The following BCL3 variants were observed in gnomAD, a reference collection of about 807,000 sequenced individuals.
BCL3 encodes the protein BCL3 transcription coactivator.
Under a neutral mutation model 35.7 loss-of-function variants are expected in BCL3, and 15 were observed. The ratio of observed to expected loss-of-function variants is 0.42; its 90% CI spans 0.28 to 0.65. The LOEUF is 0.65. Ranked by LOEUF, BCL3 falls within the 30% of genes least tolerant of loss-of-function variation. BCL3 has a pLI of 0.22. For missense variants in BCL3, 565 were observed against 641.7 expected (o/e 0.88, Z 1.29); for synonymous variants, 311 against 284.3 (o/e 1.09, Z -0.95).
rs779203246 is a variant in BCL3, at chr19:44,749,026, C to T, written c.236C>T (p.Pro79Leu). 6 of 1,361,972 alleles carry T rather than the reference C, an allele frequency of 4.4e-6. No individual in the cohort carries two copies. Among genetic ancestry groups the T allele is most frequent in the Admixed American group, 7.0e-5 (2 of 28,554 alleles). The allele number at this position is 1,361,972 out of a possible 1,614,324, so 84.4% of individuals were successfully genotyped here. Reference sequence around the variant, plus strand: ...GGGCCCCCCCACGGCCTGGCCCGGCCGGAGGCGCTTTACTACCCCGGTGAG... The same window carrying T: ...GGGCCCCCCCACGGCCTGGCCCGGCTGGAGGCGCTTTACTACCCCGGTGAG... ...VPGPPHGLAR[P>L]EALYYPGALL... Residue 79 changes from proline (P) to leucine (L), a missense_variant, in exon 1 of 9, where the codon CCG becomes CTG. By Grantham distance (98) the Pro-to-Leu change is moderately conservative. Around this residue, in one of 5 missense-constraint regions of BCL3, gnomAD observed 267 missense variants for 281.5 expected, o/e 0.95. Coordinates refer to ENST00000164227, the MANE Select transcript of BCL3 (RefSeq NM_005178.5).
In BCL3 at chr19:44,749,004, C is replaced by A; in HGVS notation, c.214C>A (p.Pro72Thr). The change falls in exon 1 of 9, where the codon CCC (proline) becomes ACC (threonine). Residue 72 changes from proline to threonine, a missense_variant. Physicochemically the swap from Pro to Thr is conservative, Grantham distance 38. Transcript: ENST00000164227. ...CTGCGACCTGCCGGCGGTCCCCGGG[C>A]CCCCCCACGGCCTGGCCCGGCCGGA... Reference protein sequence around the residue: ...GGCDLPAVPGPPHGLARPEAL... With the variant: ...GGCDLPAVPGTPHGLARPEAL... 7.2e-7 allele frequency: 1 copy of A among 1,381,840 alleles called. No homozygotes were observed. The highest frequency in any genetic ancestry group is 9.4e-7 in the Non-Finnish European group (1 of 1,066,088). The allele number at this position is 1,381,840 out of a possible 1,614,324, so 85.6% of individuals were successfully genotyped here.
At chr19:44,749,081 T>C in intron 1 of BCL3, 35 bp downstream of exon 1, 1 of 1,192,256 alleles carries the variant, frequency 8.4e-7, no homozygotes, top group Non-Finnish European at 1.1e-6. Flanking sequence ...CCGGGTGGGA[T>C]CCACACAGAG....
chr19:44,751,971 C>A (rs1967188602), intron 2 of BCL3, among the ~76,000 whole-genome samples: 1 of 152,082 alleles, frequency 6.6e-6, no homozygotes, highest in African/African-American at 2.4e-5. Flanking sequence ...AAAGACAGTT[C>A]ATTGATTAAC....
chr19:44,748,760 C>G lies in BCL3; in HGVS notation c.-31C>G. 1.8e-6 allele frequency: 2 copies of G among 1,092,434 alleles called. No homozygotes were observed. The highest frequency in any genetic ancestry group is 2.2e-6 in the Non-Finnish European group (2 of 899,022). 67.7% of individuals were successfully genotyped at this position (1,092,434 alleles called of 1,614,324 possible). A position where few individuals can be genotyped will look rare whatever the true frequency, so the allele number is the denominator to read the frequency against. On this transcript the variant is annotated 5_prime_UTR_variant, in exon 1 of 9. Transcript: ENST00000164227. ...CACCCTCCCGTGCAGCCGAGCCCAG[C>G]CGCTCTCCGGCCGCCGTCCCCGGCG...
chr19:44,752,744 T>C (rs1460907647), intron 2 of BCL3, among the ~76,000 whole-genome samples: 3 of 152,220 alleles, frequency 2.0e-5, no homozygotes, highest in Admixed American at 2.0e-4. Flanking sequence ...ATTATTCTAT[T>C]GACCTGGGTT....
chr19:44,751,473 G>A, intron 2 of BCL3, 93 bp downstream of exon 2: 2 of 1,323,684 alleles, frequency 1.5e-6, no homozygotes, highest in Admixed American at 5.9e-5. Context: ...ACCTGAGTCA[G>A]AACTCGGTCT....
intron 1 of BCL3, 59 bp from the exon 2 acceptor site, chr19:44,751,168 G>A (rs1967171039): frequency 1.3e-6 from 2 of 1,555,372 alleles, no homozygotes; most frequent in South Asian, 2.4e-5. Flanking sequence ...GTGGGGGGCG[G>A]GTTGAGGGTC....
rs1967380435 is a variant in BCL3, at chr19:44,759,498, G to A, written c.1248G>A (p.Met416Ile). The stretch of plus-strand genomic sequence containing the variant: ...CCAGGGACCCCCCTGGATTCCCCAT[G>A]GCTCCTCCCAATTTCTTCCTTCCTT... ...SPPRDPPGFPMAPPNFFLPSP... is the reference protein window; with the variant it reads ...SPPRDPPGFPIAPPNFFLPSP... Residue 416 changes from methionine (M) to isoleucine (I), a missense_variant, in exon 9 of 9, where the codon ATG (methionine) becomes ATA (isoleucine). Transcript: ENST00000164227. 1 of 1,611,816 alleles carries A rather than the reference G, an allele frequency of 6.2e-7. No individual in the cohort carries two copies. The highest frequency in any genetic ancestry group is 8.5e-7 in the Non-Finnish European group (1 of 1,179,122).
At position 44,759,464 on chromosome 19, in the gene BCL3, A is replaced by T; in HGVS notation, c.1214A>T (p.Gln405Leu). 1 of 1,598,864 alleles carries T rather than the reference A, an allele frequency of 6.3e-7. No homozygotes were observed. The change falls in exon 9 of 9, where the codon CAG (glutamine) becomes CTG (leucine). Residue 405 changes from glutamine (Q) to leucine (L), a missense_variant. Around this residue, in one of 5 missense-constraint regions of BCL3, gnomAD observed 151 missense variants for 138.1 expected, o/e 1.09. Transcript: ENST00000164227. ...GCATCACCATCCTCCTCACCCTCCC[A>T]GTCTCCCCCCAGGGACCCCCCTGGA... The part of the protein sequence containing the change: ...LSASPSSSPS[Q>L]SPPRDPPGFP...
chr19:44,757,846 G>C lies in BCL3; in HGVS notation c.891+123G>C. 1 of 941,852 alleles carries C rather than the reference G, an allele frequency of 1.1e-6. No homozygotes were observed. The highest frequency in any genetic ancestry group is 1.6e-6 in the Non-Finnish European group (1 of 620,676). The allele number at this position is 941,852 out of a possible 1,614,324, so 58.3% of individuals were successfully genotyped here. On this transcript the variant is annotated intron_variant, in intron 6 of 8. Transcript: ENST00000164227. The surrounding 1 kb of genome is among the most constrained non-coding windows in gnomAD (Gnocchi z 8.4). ...GGCTCCGGCTCCTGCTCCGCGTCCA[G>C]CTCTGATCCTTTAAGGCCTAGTTTT... is the stretch of plus-strand genomic sequence containing the variant.
intron 2 of BCL3, among the ~76,000 whole-genome samples, chr19:44,752,335 G>A (rs552822785): frequency 6.7e-6 from 1 of 149,800 alleles, no homozygotes; most frequent in South Asian, 2.1e-4. Flanking sequence ...TGAGTAGCTG[G>A]GACCACAGAC....
chr19:44,747,776 A>C (rs1967092860), upstream of BCL3: 291 of 976,106 alleles, frequency 3.0e-4, no homozygotes, highest in Middle Eastern at 4.5e-4. Context: ...GTCTCTTGCT[A>C]TCTCTCTTTC....
At position 44,757,588 on chromosome 19, in the gene BCL3, G is replaced by A. The variant is rs1212972738; in HGVS notation, c.814-58G>A. ...GCGAATGGGATGTGGACGGGATGCG[G>A]GTCGCCGGCTGCTGGAGCAGAGCTT... is the stretch of plus-strand genomic sequence containing the variant. On this transcript the variant is annotated intron_variant, in intron 5 of 8. Transcript: ENST00000164227. The surrounding 1 kb of genome is among the most constrained non-coding windows in gnomAD (Gnocchi z 8.4). 12 of 1,592,978 alleles carry A rather than the reference G, an allele frequency of 7.5e-6. No homozygotes were observed. The highest frequency in any genetic ancestry group is 1.0e-5 in the Non-Finnish European group (12 of 1,162,714).
intron 1 of BCL3, 21 bp from the exon 2 acceptor site, chr19:44,751,204 CTT>C: frequency 6.3e-7 from 1 of 1,595,418 alleles, no homozygotes; most frequent in South Asian, 1.1e-5. Flanking sequence ...ACCCATGTCC[CTT>C]CTCTGTCCTC....
At chr19:44,755,804 G>A (rs1355175690) in intron 2 of BCL3, among the ~76,000 whole-genome samples, 1 of 152,160 alleles carries the variant, frequency 6.6e-6, no homozygotes, top group Non-Finnish European at 1.5e-5. Flanking sequence ...TGTAATCCCA[G>A]CTACTCAGGA....
At chr19:44,758,649 C>A in intron 7 of BCL3, 75 bp from the exon 8 acceptor site, 1 of 1,374,312 alleles carries the variant, frequency 7.3e-7, no homozygotes, top group Non-Finnish European at 1.0e-6. Context: ...CCACCTGGAT[C>A]CAGTGAGCTA....
chr19:44,748,508 A>C (rs1367141672), upstream of BCL3: 2 of 162,934 alleles, frequency 1.2e-5, no homozygotes, highest in Non-Finnish European at 2.4e-5. Context: ...TGGCTGCCCC[A>C]GGCGCCGCGG....
Position 44,751,346 on chromosome 19 carries a change from G to A in BCL3, c.376G>A (p.Ala126Thr), listed in dbSNP as rs140257795. ...GGAACACCCCCTTTCTGCTGACATC[G>A]CCATGGCCACCCGTGCAGATGAGGA... ...PMEHPLSADI[A>T]MATRADEDGD... The change falls in exon 2 of 9, where the codon GCC (alanine) becomes ACC (threonine). Residue 126 changes from alanine to threonine, a missense_variant. Ala to Thr is a moderately conservative substitution (Grantham distance 58, BLOSUM62 0). Transcript: ENST00000164227. 4.4e-6 allele frequency: 7 copies of A among 1,600,954 alleles called. No individual in the cohort carries two copies. Among genetic ancestry groups the A allele is most frequent in the East Asian group, 4.5e-5 (2 of 44,014 alleles).
At position 44,758,846 on chromosome 19, in the gene BCL3, G is replaced by C; in HGVS notation, c.1177+5G>C. 2 of 1,584,654 alleles carry C rather than the reference G, an allele frequency of 1.3e-6. No homozygotes were observed. The highest frequency in any genetic ancestry group is 1.7e-6 in the Non-Finnish European group (2 of 1,167,032). The stretch of plus-strand genomic sequence containing the variant: ...GCAGCCGCCTCAGCTCCAATGGTGA[G>C]AAACCGTTCCCAACCTCCAGCCCTG... On this transcript the variant is annotated splice_donor_5th_base_variant and intron_variant, in intron 8 of 8. Coordinates refer to ENST00000164227, the MANE Select transcript of BCL3 (RefSeq NM_005178.5).
Sources: gnomAD v4.1 joint callset for allele counts (sites outside exome capture counted in the v4.1 genomes callset) on GRCh38, gnomAD v4.1.1 for gene constraint, gnomAD v4.1.1 regional missense constraint, Gnocchi (gnomAD v3.1) non-coding constraint, MANE v1.5 for transcripts, NCBI Gene and HGNC (gene_info 2026-07-23, HGNC 2026-07-21) for gene names.